The following BNC2 variants were observed in gnomAD, a reference collection of about 807,000 sequenced individuals.
The protein encoded by BNC2 is zinc finger protein basonuclin-2.
In BNC2, 20 loss-of-function variants were observed where a neutral mutation model predicts 76.3. The ratio of observed to expected loss-of-function variants is 0.26; its 90% CI spans 0.18 to 0.38. The LOEUF is 0.38. Ranked by LOEUF, BNC2 falls within the 10% of genes least tolerant of loss-of-function variation. The pLI is 1.00. For synonymous variants in BNC2, 582 were observed against 514.8 expected (o/e 1.13, Z -1.77); for missense variants, 1,382 against 1,399.8 (o/e 0.99, Z 0.20).
intron 1 of BNC2, among the ~76,000 whole-genome samples, chr9:16,830,749 A>G (rs1189068690): frequency 6.6e-6 from 1 of 152,248 alleles, no homozygotes; most frequent in Non-Finnish European, 1.5e-5. Context: ...AAAGGGAAAC[A>G]GAAAAAAGAA....
chr9:16,711,793 G>A (rs530351732), intron 3 of BNC2, among the ~76,000 whole-genome samples: 3 of 152,274 alleles, frequency 2.0e-5, no homozygotes, highest in Admixed American at 2.0e-4. Flanking sequence ...ATGAAAGGAA[G>A]GCAGGACAGA....
At chr9:16,811,658 C>CAGAA (rs1818058838) in intron 1 of BNC2, among the ~76,000 whole-genome samples, 2 of 151,282 alleles carry the variant, frequency 1.3e-5, no homozygotes, top group African/African-American at 4.9e-5. Context: ...AATGAGGCAG[C>CAGAA]AGAACTGCTC....
chr9:16,516,918 T>C (rs558945320), intron 5 of BNC2, among the ~76,000 whole-genome samples: 28 of 152,284 alleles, frequency 1.8e-4, no homozygotes, highest in Non-Finnish European at 3.8e-4. Context: ...GTGAGCAAAA[T>C]AGCAAAAGGC....
intron 3 of BNC2, among the ~76,000 whole-genome samples, chr9:16,623,687 G>A (rs1018555882): frequency 1.3e-5 from 2 of 152,308 alleles, no homozygotes; most frequent in Non-Finnish European, 2.9e-5. Context: ...AAACACTGAA[G>A]TGAGGCTGGA....
At chr9:16,728,224 G>A (rs1264496322) in intron 2 of BNC2, 1 of 600,694 alleles carries the variant, frequency 1.7e-6, no homozygotes, top group Admixed American at 2.5e-5. Context: ...TGCCTGTCAG[G>A]TGTGCAGGCG....
chr9:16,780,716 A>G (rs1826128903), intron 1 of BNC2, among the ~76,000 whole-genome samples: 1 of 152,210 alleles, frequency 6.6e-6, no homozygotes, highest in African/African-American at 2.4e-5. Flanking sequence ...TAAACAGATG[A>G]AAACAACAGG....
intron 1 of BNC2, among the ~76,000 whole-genome samples, chr9:16,761,079 C>A (rs1357581499): frequency 6.2e-5 from 9 of 145,272 alleles, no homozygotes; most frequent in South Asian, 2.2e-4. Flanking sequence ...CCCGTCTCTA[C>A]AAAAAAAAAA....
At chr9:16,507,907 G>A (rs1018466265) in intron 5 of BNC2, among the ~76,000 whole-genome samples, 5 of 152,150 alleles carry the variant, frequency 3.3e-5, no homozygotes, top group African/African-American at 1.2e-4. Context: ...CCAAAATAGA[G>A]TTAAATGGAA....
intron 3 of BNC2, among the ~76,000 whole-genome samples, chr9:16,626,852 A>G (rs978644960): frequency 7.2e-5 from 11 of 152,284 alleles, no homozygotes; most frequent in African/African-American, 2.6e-4. Context: ...CCTGTGACCC[A>G]GCAGTGAGCC....
At chr9:16,548,006 G>A (rs912987111) in intron 5 of BNC2, among the ~76,000 whole-genome samples, 2 of 152,178 alleles carry the variant, frequency 1.3e-5, no homozygotes, top group Admixed American at 6.5e-5. Flanking sequence ...CTCTTCTAAT[G>A]TACCAATTGT....
chr9:16,869,496 A>G lies in BNC2; in HGVS notation c.3+1150T>C, dbSNP rs796124204. 5.3e-5 allele frequency among the ~76,000 whole-genome samples: 8 copies of G among 152,104 alleles called. No individual in the cohort carries two copies. The East Asian group carries it at 1.2e-3, about 22-fold the overall frequency. On this transcript the variant is annotated intron_variant, in intron 1 of 6. Transcript: ENST00000380672. ...CAGTTGTGACTTTGATCACTGAAAC[A>G]AGAGATGTCACATTAGGGAGCAGGG... is the stretch of plus-strand genomic sequence containing the variant.
chr9:16,496,837 G>A (rs911773392), intron 5 of BNC2, among the ~76,000 whole-genome samples: 25 of 152,326 alleles, frequency 1.6e-4, no homozygotes, highest in African/African-American at 5.8e-4. Context: ...AGCCGATGCT[G>A]TATTTACCAG....
At chr9:16,835,807 G>A (rs966350873) in intron 1 of BNC2, among the ~76,000 whole-genome samples, 2 of 152,176 alleles carry the variant, frequency 1.3e-5, no homozygotes, top group Non-Finnish European at 2.9e-5. Context: ...TAACTCTCTT[G>A]CCAAGAAAAA....
intron 1 of BNC2, among the ~76,000 whole-genome samples, chr9:16,796,613 A>G (rs1817658992): frequency 1.3e-5 from 2 of 149,916 alleles, no homozygotes; most frequent in African/African-American, 2.5e-5. Flanking sequence ...AAGGGAAGGG[A>G]AAGGGAAAGG....
intron 3 of BNC2, among the ~76,000 whole-genome samples, chr9:16,702,107 G>T (rs935497621): frequency 8.5e-5 from 13 of 152,144 alleles, no homozygotes; most frequent in African/African-American, 2.9e-4. Context: ...TAGGCATTCT[G>T]CAAGATTCTA....
At chr9:16,472,697 T>G (rs1314442530) in intron 5 of BNC2, among the ~76,000 whole-genome samples, 3 of 152,220 alleles carry the variant, frequency 2.0e-5, no homozygotes, top group Non-Finnish European at 4.4e-5. Flanking sequence ...TTATGGAACT[T>G]TAGAAATGCC....
intron 5 of BNC2, among the ~76,000 whole-genome samples, chr9:16,468,503 C>A (rs1345455719): frequency 1.3e-5 from 2 of 152,038 alleles, no homozygotes; most frequent in Non-Finnish European, 2.9e-5. Context: ...TCAAGCAACT[C>A]TCCCGCCTCA....
chr9:16,685,842 A>G (rs1371825064), intron 3 of BNC2, among the ~76,000 whole-genome samples: 1 of 152,262 alleles, frequency 6.6e-6, no homozygotes, highest in East Asian at 1.9e-4. Context: ...TCCAAGAAGA[A>G]AAAAGCAACA....
intron 3 of BNC2, among the ~76,000 whole-genome samples, chr9:16,628,370 T>C (rs1367520269): frequency 6.6e-6 from 1 of 152,156 alleles, no homozygotes; most frequent in Non-Finnish European, 1.5e-5. Flanking sequence ...AGGGAGAAAA[T>C]CCACACATTC....
Sources: gnomAD v4.1 joint callset for allele counts (sites outside exome capture counted in the v4.1 genomes callset) on GRCh38, gnomAD v4.1.1 for gene constraint, MANE v1.5 for transcripts, NCBI Gene and HGNC (gene_info 2026-07-23, HGNC 2026-07-21) for gene names.